The following HELB variants were observed in gnomAD, a reference collection of about 807,000 sequenced individuals.
HELB encodes the protein DNA 5'-3' helicase B.
A neutral mutation model predicts 101.7 loss-of-function variants in HELB; 96 were observed. That is an observed-to-expected ratio of 0.94 (90% CI 0.80 to 1.12). HELB has a LOEUF of 1.12. HELB is among the 50% of genes most tolerant of loss of function. HELB has a pLI of 0.00. For synonymous variants in HELB, 437 were observed against 459.7 expected (o/e 0.95, Z 0.63); for missense variants, 1,210 against 1,291.9 (o/e 0.94, Z 0.97).
chr12:66,309,060 G>T lies in HELB; in HGVS notation c.778-646G>T, dbSNP rs190465863. ...AGAAAACTAAACAAGTCAAGAAAAT[G>T]AGGCAGATGTTAACTTCATGATACA... On this transcript the variant is annotated intron_variant, in intron 3 of 12. Coordinates refer to ENST00000247815, the MANE Select transcript of HELB (RefSeq NM_001370285.1). 4.6e-5 allele frequency among the ~76,000 whole-genome samples: 7 copies of T among 152,274 alleles called. No individual in the cohort carries two copies. The East Asian group carries it at 1.2e-3, about 25-fold the overall frequency.
chr12:66,310,020 CT>C lies in HELB; in HGVS notation c.1096del (p.Ser366GlnfsTer5), dbSNP rs1434900485. The C allele has an allele frequency of 1.9e-6, 3 of 1,614,166 alleles. No homozygotes were observed. Among genetic ancestry groups the C allele is most frequent in the Non-Finnish European group, 2.5e-6 (3 of 1,180,040 alleles). On this transcript the variant is annotated frameshift_variant, in exon 4 of 13. Coordinates refer to ENST00000247815, the MANE Select transcript of HELB (RefSeq NM_001370285.1). LOFTEE classifies it high-confidence loss of function. ...TTTACCATGCTGAAAGAGCCATCGC[CT>C]TTTCAATTTGTGACCTGATGAAGAA... ...DLYHAERAIA[F>X]SICDLMKKPP...
chr12:66,337,017 G>C (rs2053873505), intron 12 of HELB, among the ~76,000 whole-genome samples: 1 of 152,166 alleles, frequency 6.6e-6, no homozygotes, highest in Non-Finnish European at 1.5e-5. Flanking sequence ...AATGGGGTTG[G>C]AGAAGAGATG....
chr12:66,329,660 A>G (rs901546469), intron 11 of HELB, among the ~76,000 whole-genome samples: 2 of 152,214 alleles, frequency 1.3e-5, no homozygotes, highest in Non-Finnish European at 2.9e-5. Context: ...GCATTTTACA[A>G]ATATCACTGT....
In HELB at chr12:66,306,333, G is replaced by A; in HGVS notation, c.608-12G>A. The A allele has an allele frequency of 6.5e-7, 1 of 1,544,758 alleles. No homozygotes were observed. Among genetic ancestry groups the A allele is most frequent in the Non-Finnish European group, 8.7e-7 (1 of 1,146,426 alleles). On this transcript the variant is annotated splice_polypyrimidine_tract_variant and intron_variant, in intron 2 of 12. Coordinates refer to ENST00000247815, the MANE Select transcript of HELB (RefSeq NM_001370285.1). ...TTTATGTTTTACTTTGTTCCTTTCT[G>A]ATATCTTGTAGTTCCATTTAGAAAT...
chr12:66,334,946 A>C (rs1379821154), intron 12 of HELB, among the ~76,000 whole-genome samples: 1 of 152,010 alleles, frequency 6.6e-6, no homozygotes, highest in East Asian at 1.9e-4. Flanking sequence ...TGGAGTGTGG[A>C]TGCATTTTGG....
At chr12:66,333,840 G>A (rs2053836081) in intron 12 of HELB, among the ~76,000 whole-genome samples, 1 of 151,948 alleles carries the variant, frequency 6.6e-6, no homozygotes, top group South Asian at 2.1e-4. Context: ...AGGGCTGGAA[G>A]CAGTGGTGTA....
rs115496526 is a variant in HELB at position 66,316,344 on chromosome 12, T to A, written c.2000+961T>A. Among the ~76,000 whole-genome samples, 629 of 152,312 alleles carry A rather than the reference T, an allele frequency of 4.1e-3. 3 individuals carry two copies. Among genetic ancestry groups the A allele is most frequent in the African/African-American group, 0.014 (573 of 41,560 alleles). ...ACTGTATTAAAATCTCTAGATATAA[T>A]GGGACCTTTGAATACTGAGTCTATG... On this transcript the variant is annotated intron_variant, in intron 6 of 12. Coordinates refer to ENST00000247815, the MANE Select transcript of HELB (RefSeq NM_001370285.1).
chr12:66,335,429 A>G (rs1457597030), intron 12 of HELB, among the ~76,000 whole-genome samples: 1 of 152,174 alleles, frequency 6.6e-6, no homozygotes, highest in Admixed American at 6.5e-5. Context: ...TGGGGAGGGA[A>G]TAAAAGCCTG....
At chr12:66,318,352 G>A (rs1194272078) in intron 6 of HELB, among the ~76,000 whole-genome samples, 1 of 152,122 alleles carries the variant, frequency 6.6e-6, no homozygotes, top group African/African-American at 2.4e-5. Flanking sequence ...TTTCAGAATG[G>A]TGCCTAGTAA....
rs759655454 is a variant in HELB at position 66,310,320 on chromosome 12, G to T, written c.1392G>T (p.Met464Ile). 4 of 1,614,064 alleles carry T rather than the reference G, an allele frequency of 2.5e-6. No homozygotes were observed. The highest frequency in any genetic ancestry group is 1.6e-4 in the Middle Eastern group (1 of 6,084). The change falls in exon 4 of 13, where the codon ATG (methionine) becomes ATT (isoleucine). Residue 464 changes from methionine to isoleucine, a missense_variant. Physicochemically the swap from Met to Ile is conservative, Grantham distance 10. Coordinates refer to ENST00000247815, the MANE Select transcript of HELB (RefSeq NM_001370285.1). ...LDRDQVAALE[M>I]ICSNPVTVIS... is the part of the protein sequence containing the mutation. ...GGGATCAGGTGGCTGCTTTGGAAAT[G>T]ATTTGCTCCAATCCTGTGACAGTCA...
At chr12:66,337,089 A>C (rs554501066) in intron 12 of HELB, among the ~76,000 whole-genome samples, 5 of 152,286 alleles carry the variant, frequency 3.3e-5, no homozygotes, top group African/African-American at 9.6e-5. Flanking sequence ...GGGCCTGAGG[A>C]TAACTCCAAG....
In HELB at chr12:66,310,874, T is replaced by G. The variant is rs147532405; in HGVS notation, c.1680+266T>G. The stretch of plus-strand genomic sequence containing the variant: ...TGAACCCAGGAAGCAGAGGTTGCAG[T>G]AACTGAGGCTGCACCACTGCGCTCC... On this transcript the variant is annotated intron_variant, in intron 4 of 12. Transcript: ENST00000247815. Among the ~76,000 whole-genome samples the G allele has an allele frequency of 1.7e-3, 264 of 152,214 alleles. 1 individual carries two copies. The highest frequency in any genetic ancestry group is 5.9e-3 in the African/African-American group (247 of 41,536).
At chr12:66,302,864 A>G in intron 1 of HELB, 74 bp downstream of exon 1, 1 of 1,316,362 alleles carries the variant, frequency 7.6e-7, no homozygotes, top group Non-Finnish European at 1.0e-6. Flanking sequence ...CTTTGCCCTG[A>G]GCAAGGCACC....
Position 66,331,364 on chromosome 12 carries a change from C to A in HELB, c.2881C>A (p.Pro961Thr). The stretch of plus-strand genomic sequence containing the variant: ...AAGTAAGCTCTCCTCTAGCGGCGCA[C>A]CTCCAGCAGATTTTCCGTCCCCACG... ...LQSKLSSSGA[P>T]PADFPSPRKS... is the part of the protein sequence containing the mutation. Residue 961 changes from proline (P) to threonine (T), a missense_variant, in exon 12 of 13, where the codon CCT becomes ACT. Around this residue, in one of 2 missense-constraint regions of HELB, gnomAD observed 740 missense variants for 728.8 expected, o/e 1.02. Coordinates refer to ENST00000247815, the MANE Select transcript of HELB (RefSeq NM_001370285.1). The A allele has an allele frequency of 6.2e-7, 1 of 1,614,222 alleles. No individual in the cohort carries two copies. Among genetic ancestry groups the A allele is most frequent in the Non-Finnish European group, 8.5e-7 (1 of 1,180,048 alleles).
At chr12:66,337,876 G>T in intron 12 of HELB, 125 bp from the exon 13 acceptor site, 1 of 614,782 alleles carries the variant, frequency 1.6e-6, no homozygotes, top group South Asian at 2.0e-5. Flanking sequence ...TTTGGTTGCT[G>T]AAGCCTTTCA....
intron 5 of HELB, 75 bp downstream of exon 5, chr12:66,314,238 G>A: frequency 7.4e-7 from 1 of 1,342,330 alleles, no homozygotes; most frequent in South Asian, 1.3e-5. Flanking sequence ...ACACCATTTA[G>A]TTGGTTGTTT....
intron 3 of HELB, among the ~76,000 whole-genome samples, chr12:66,307,898 T>A (rs1034468191): frequency 4.8e-4 from 73 of 151,880 alleles, no homozygotes; most frequent in African/African-American, 1.7e-3. Flanking sequence ...ACCCAGATAA[T>A]TTTTGTATTT....
intron 3 of HELB, among the ~76,000 whole-genome samples, chr12:66,307,068 C>G (rs1305082396): frequency 6.6e-6 from 1 of 152,156 alleles, no homozygotes; most frequent in East Asian, 1.9e-4. Flanking sequence ...CACTGAGGCT[C>G]CAGTGGTATT....
intron 6 of HELB, among the ~76,000 whole-genome samples, chr12:66,316,919 T>C (rs1172445769): frequency 2.0e-5 from 3 of 149,382 alleles, no homozygotes; most frequent in East Asian, 4.0e-4. Flanking sequence ...CTCGGGAGGC[T>C]GAGGCAGGAG....
Sources: allele counts gnomAD v4.1 joint callset (sites outside exome capture counted in the v4.1 genomes callset), GRCh38; gene constraint gnomAD v4.1.1; regional missense constraint gnomAD v4.1.1; transcripts MANE v1.5; gene names NCBI Gene and HGNC (gene_info 2026-07-23, HGNC 2026-07-21).